Variants in SCARA5 observed in about 807,000 individuals in gnomAD.
The protein encoded by SCARA5 is scavenger receptor class A member 5, also known as scavenger receptor class A, member 5 (putative).
A neutral mutation model predicts 46.3 loss-of-function variants in SCARA5; 45 were observed. The ratio of observed to expected loss-of-function variants is 0.97; its 90% CI spans 0.76 to 1.24. The LOEUF is 1.24. Among genes scored for constraint, SCARA5 ranks in the 50% most tolerant of loss-of-function variants. The pLI is 0.00. For synonymous variants in SCARA5, 333 were observed against 306.5 expected, an observed-to-expected ratio of 1.09 and a Z score of -0.90; for missense variants, 680 against 689.0, an observed-to-expected ratio of 0.99 and a Z score of 0.15.
At chr8:27,904,652 C>T (rs545111459) in intron 7 of SCARA5, 126 bp downstream of exon 7, 4 of 870,098 alleles carry the variant, frequency 4.6e-6, no homozygotes, top group South Asian at 1.3e-5. Context: ...AGGTAGGGAG[C>T]CTCCTTTGAC....
Position 27,872,132 on chromosome 8 carries a change from G to A in SCARA5, c.1352-62C>T, listed in dbSNP as rs1251001826. 71 of 1,575,274 alleles carry A rather than the reference G, an allele frequency of 4.5e-5. No homozygotes were observed. The Middle Eastern group carries it at 5.0e-4, about 11-fold the overall frequency. On this transcript the variant is annotated intron_variant, in intron 8 of 8. Coordinates refer to ENST00000354914, the MANE Select transcript of SCARA5 (RefSeq NM_173833.6). Reference sequence around the variant, plus strand: ...ACAGGAGGGCGAGAAGGAGAAGAGAGAGCATAACTGTGCCTGCCCTTGACT... The same window carrying A: ...ACAGGAGGGCGAGAAGGAGAAGAGAAAGCATAACTGTGCCTGCCCTTGACT...
chr8:27,961,472 G>A (rs1787324347), intron 3 of SCARA5, among the ~76,000 whole-genome samples: 1 of 152,198 alleles, frequency 6.6e-6, no homozygotes, highest in South Asian at 2.1e-4. Flanking sequence ...ACGAAACCAT[G>A]AGCCAAATAA....
In SCARA5 at chr8:27,871,823, C is replaced by G; in HGVS notation, c.*111G>C. ...GATGCAGGTGTGAGGACTGAGAATG[C>G]TGGACGGGGTGTGGTCGAGGCATGG... On this transcript the variant is annotated 3_prime_UTR_variant, in exon 9 of 9. Coordinates refer to ENST00000354914, the MANE Select transcript of SCARA5 (RefSeq NM_173833.6). 6.4e-7 allele frequency: 1 copy of G among 1,564,716 alleles called. No individual in the cohort carries two copies. The highest frequency in any genetic ancestry group is 1.3e-5 in the African/African-American group (1 of 74,258).
intron 3 of SCARA5, among the ~76,000 whole-genome samples, chr8:27,953,692 A>G (rs76070819): frequency 0.059 from 8,914 of 152,310 alleles, 374 homozygotes; most frequent in East Asian, 0.19. Flanking sequence ...GCGAAGCCCA[A>G]AGGCAGACAC....
chr8:27,956,930 G>A (rs1028080190), intron 3 of SCARA5, among the ~76,000 whole-genome samples: 22 of 152,170 alleles, frequency 1.4e-4, no homozygotes, highest in African/African-American at 5.1e-4. Flanking sequence ...CTCCAAAAGG[G>A]TGGAGGACGG....
chr8:27,895,416 T>C lies in SCARA5; in HGVS notation c.1153+9362A>G, dbSNP rs76091114. Among the ~76,000 whole-genome samples the C allele has an allele frequency of 8.6e-3, 1,304 of 152,366 alleles. 17 individuals are homozygous for C. The highest frequency in any genetic ancestry group is 0.029 in the African/African-American group (1,224 of 41,590). ...AAAGAACTTTCTGATCAGGCTGTCC[T>C]GGAGGGCATCGCTTTCAAAATGTTG... is the stretch of plus-strand genomic sequence containing the variant. On this transcript the variant is annotated intron_variant, in intron 7 of 8. Coordinates refer to ENST00000354914, the MANE Select transcript of SCARA5 (RefSeq NM_173833.6).
At chr8:27,960,140 G>A (rs1048034768) in intron 3 of SCARA5, among the ~76,000 whole-genome samples, 1 of 151,378 alleles carries the variant, frequency 6.6e-6, no homozygotes, top group Non-Finnish European at 1.5e-5. Flanking sequence ...AACTGTCTCT[G>A]ATTGTGGGAA....
chr8:27,892,203 G>A (rs1806995515), intron 7 of SCARA5, among the ~76,000 whole-genome samples: 1 of 152,240 alleles, frequency 6.6e-6, no homozygotes, highest in Non-Finnish European at 1.5e-5. Flanking sequence ...AGGCCTCCCA[G>A]TGAAAAGCTG....
At chr8:27,946,310 C>A (rs575902752) in intron 3 of SCARA5, among the ~76,000 whole-genome samples, 1 of 152,202 alleles carries the variant, frequency 6.6e-6, no homozygotes, top group Admixed American at 6.5e-5. Flanking sequence ...AACCAGGATT[C>A]GTGAAAACAA....
chr8:27,975,519 C>A (rs1808509533), intron 2 of SCARA5, among the ~76,000 whole-genome samples: 2 of 152,040 alleles, frequency 1.3e-5, no homozygotes, highest in African/African-American at 4.8e-5. Context: ...TGTGGGAATC[C>A]AAGGCTACCA....
chr8:27,942,735 C>T (rs533678348), intron 3 of SCARA5, among the ~76,000 whole-genome samples: 2 of 152,180 alleles, frequency 1.3e-5, no homozygotes, highest in African/African-American at 4.8e-5. Context: ...AGTTGGGCTG[C>T]CTTGAGTGGG....
intron 2 of SCARA5, among the ~76,000 whole-genome samples, chr8:27,978,877 A>G (rs1808568892): frequency 6.6e-6 from 1 of 151,976 alleles, no homozygotes; most frequent in Non-Finnish European, 1.5e-5. Flanking sequence ...CAGACCATGC[A>G]TCCCACTGCC....
chr8:27,879,561 C>A lies in SCARA5; in HGVS notation c.1351+8G>T, dbSNP rs770167490. 3.1e-6 allele frequency: 5 copies of A among 1,604,166 alleles called. No homozygotes were observed. The South Asian group carries it at 3.3e-5, about 11-fold the overall frequency. ...CTCCTCATGTTTTTTGCCCTCAGAG[C>A]GCCTTACCTTGCCCGAATCGAGCTG... On this transcript the variant is annotated splice_region_variant and intron_variant, in intron 8 of 8. Transcript: ENST00000354914.
intron 3 of SCARA5, among the ~76,000 whole-genome samples, chr8:27,956,214 T>C (rs2726946): frequency 0.26 from 39,525 of 152,036 alleles, 5,246 homozygotes; most frequent in East Asian, 0.44. Flanking sequence ...ACTTGAGTGA[T>C]GCTATTTGCA....
intron 3 of SCARA5, among the ~76,000 whole-genome samples, chr8:27,950,160 A>C (rs888211472): frequency 1.3e-5 from 2 of 152,168 alleles, no homozygotes; most frequent in African/African-American, 4.8e-5. Flanking sequence ...AAGGAGGGGA[A>C]GGGGTCTAGC....
chr8:27,900,277 G>A (rs1208061435), intron 7 of SCARA5, among the ~76,000 whole-genome samples: 1 of 152,230 alleles, frequency 6.6e-6, no homozygotes, highest in Non-Finnish European at 1.5e-5. Flanking sequence ...GCAAAGTCTA[G>A]GCACAGGGAT....
chr8:27,966,682 T>C, intron 2 of SCARA5, 140 bp from the exon 3 acceptor site: 1 of 883,902 alleles, frequency 1.1e-6, no homozygotes, highest in Non-Finnish European at 1.7e-6. Flanking sequence ...ATGTCTAGAA[T>C]GCAGCCACTT....
intron 8 of SCARA5, among the ~76,000 whole-genome samples, chr8:27,877,752 G>A (rs1272286100): frequency 6.6e-6 from 1 of 152,220 alleles, no homozygotes; most frequent in Non-Finnish European, 1.5e-5. Flanking sequence ...GCCCTTCATG[G>A]TGCCGGATCC....
intron 7 of SCARA5, among the ~76,000 whole-genome samples, chr8:27,902,258 T>C (rs930128424): frequency 6.6e-6 from 1 of 152,136 alleles, no homozygotes; most frequent in Non-Finnish European, 1.5e-5. Flanking sequence ...CCAGAGCTGA[T>C]GTCACCTCTT....
Sources: allele counts gnomAD v4.1 joint callset (sites outside exome capture counted in the v4.1 genomes callset), GRCh38; gene constraint gnomAD v4.1.1; transcripts MANE v1.5; gene names NCBI Gene and HGNC (gene_info 2026-07-23, HGNC 2026-07-21).